Variants in PCDHGA4 observed in about 807,000 individuals in gnomAD.
The protein encoded by PCDHGA4 is protocadherin gamma-A4.
Under a neutral mutation model 54.6 loss-of-function variants are expected in PCDHGA4, and 38 were observed. That is an observed-to-expected ratio of 0.70 (90% CI 0.54 to 0.91). The LOEUF (loss-of-function observed/expected upper bound fraction) is 0.91. Among genes scored for constraint, PCDHGA4 ranks in the 40% least tolerant of loss-of-function variants. The pLI, the probability that PCDHGA4 is intolerant of heterozygous loss-of-function variation, is 0.00. For synonymous variants in PCDHGA4, 511 were observed against 512.9 expected (o/e 1.00, Z 0.05); for missense variants, 1,298 against 1,220.9 (o/e 1.06, Z -0.94).
In PCDHGA4 at chr5:141,511,345, TCC is replaced by T; in HGVS notation, c.*178_*179del. 1 of 1,410,484 alleles carries T rather than the reference TCC, an allele frequency of 7.1e-7. No homozygotes were observed. The highest frequency in any genetic ancestry group is 9.4e-7 in the Non-Finnish European group (1 of 1,060,658). The allele number at this position is 1,410,484 out of a possible 1,614,324, so 87.4% of individuals were successfully genotyped here. On this transcript the variant is annotated 3_prime_UTR_variant, in exon 4 of 4. Coordinates refer to ENST00000571252, the MANE Select transcript of PCDHGA4 (RefSeq NM_018917.4). ...AAGTGCCCAGTCAGCACCTACCCCT[TCC>T]CCCCCAGGGGGTTGAATATGCAAAA... is the stretch of plus-strand genomic sequence containing the variant.
intron 1 of PCDHGA4, among the ~76,000 whole-genome samples, chr5:141,359,008 G>A (rs1212259195): frequency 2.0e-5 from 3 of 152,230 alleles, no homozygotes; most frequent in Non-Finnish European, 4.4e-5. Flanking sequence ...ACACAAATTA[G>A]TGTAATTTGA....
chr5:141,365,668 T>C, intron 1 of PCDHGA4: 1 of 1,613,456 alleles, frequency 6.2e-7, no homozygotes, highest in Non-Finnish European at 8.5e-7. Flanking sequence ...CAGACGTTAA[T>C]GACAACCCAC....
At chr5:141,435,730 T>C (rs913229799) in intron 1 of PCDHGA4, among the ~76,000 whole-genome samples, 1 of 152,226 alleles carries the variant, frequency 6.6e-6, no homozygotes, top group African/African-American at 2.4e-5. Context: ...TAAAGTGTAT[T>C]ACTCTTTGAA....
intron 1 of PCDHGA4, chr5:141,404,458 C>A: frequency 6.2e-7 from 1 of 1,612,914 alleles, no homozygotes; most frequent in East Asian, 2.2e-5. Context: ...CTCCTCTCTC[C>A]ACCTATGTCT....
At chr5:141,363,643 A>G (rs193285139) in intron 1 of PCDHGA4, among the ~76,000 whole-genome samples, 2 of 152,388 alleles carry the variant, frequency 1.3e-5, no homozygotes, top group Non-Finnish European at 2.9e-5. Flanking sequence ...CCTCACAAGT[A>G]ACAAAGATCT....
intron 1 of PCDHGA4, chr5:141,399,946 GC>G: frequency 6.2e-7 from 1 of 1,612,270 alleles, no homozygotes. Context: ...CGTGCTGCAG[GC>G]TAGCGAGCCC....
In PCDHGA4 at chr5:141,357,583, C is replaced by G. The variant is rs756550703; in HGVS notation, c.2476C>G (p.Gln826Glu). ...GAAAAGCGAGCCTCTTCTGATAACT[C>G]AGGATTTACTTGAAACAAAAGGAGA... is the stretch of plus-strand genomic sequence containing the variant. ...CEKSEPLLIT[Q>E]DLLETKGDPN... Residue 826 changes from glutamine to glutamate, a missense_variant, in exon 1 of 4, where the codon CAG becomes GAG. By Grantham distance (29) the Gln-to-Glu change is conservative (BLOSUM62 2). Transcript: ENST00000571252. The G allele has an allele frequency of 1.9e-6, 3 of 1,614,070 alleles. No homozygotes were observed. In the African/African-American group the frequency reaches 4.0e-5, roughly 22 times the overall value.
chr5:141,392,194 T>C (rs1486735796), intron 1 of PCDHGA4: 1 of 152,238 alleles, frequency 6.6e-6, no homozygotes, highest in East Asian at 1.9e-4. Context: ...TCTATTTTAG[T>C]CTCAAGATAA....
chr5:141,400,561 A>G, intron 1 of PCDHGA4: 1 of 1,612,992 alleles, frequency 6.2e-7, no homozygotes, highest in Non-Finnish European at 8.5e-7. Flanking sequence ...TTCATTACCC[A>G]CCCAATTTTC....
rs1562144438 is a variant in PCDHGA4, at chr5:141,491,135, G to A, written c.2515-3672G>A. On this transcript the variant is annotated intron_variant, in intron 1 of 3. Transcript: ENST00000571252. The surrounding 1 kb of genome is among the most constrained non-coding windows in gnomAD (Gnocchi z 6.9). Reference sequence around the variant, plus strand: ...CACACTGGTGAGGTGCGCACAGCCCGGGCCTTACTGGAGGATGACTCTGAC... The same window carrying A: ...CACACTGGTGAGGTGCGCACAGCCCAGGCCTTACTGGAGGATGACTCTGAC... 4 of 1,614,104 alleles carry A rather than the reference G, an allele frequency of 2.5e-6. No homozygotes were observed. The highest frequency in any genetic ancestry group is 1.3e-5 in the African/African-American group (1 of 75,034).
At chr5:141,419,928 T>G in intron 1 of PCDHGA4, 1 of 1,614,084 alleles carries the variant, frequency 6.2e-7, no homozygotes, top group South Asian at 1.1e-5. Flanking sequence ...GAGATGCAGT[T>G]TTACCTGGTG....
intron 1 of PCDHGA4, chr5:141,430,575 A>T (rs1056696427): frequency 2.2e-6 from 1 of 455,822 alleles, no homozygotes; most frequent in Non-Finnish European, 3.7e-6. Flanking sequence ...AAAAGCGGAG[A>T]TCCTGCTCGC....
rs776270639 is a variant in PCDHGA4 at position 141,355,754 on chromosome 5, G to A, written c.647G>A (p.Gly216Glu). Residue 216 changes from glycine (G) to glutamate (E), a missense_variant, in exon 1 of 4, where the codon GGG becomes GAG. Physicochemically the swap from Gly to Glu is moderately conservative, Grantham distance 98. Coordinates refer to ENST00000571252, the MANE Select transcript of PCDHGA4 (RefSeq NM_018917.4). ...NGYFSLDVQSGADGIKYPELV... is the reference protein window; with the variant it reads ...NGYFSLDVQSEADGIKYPELV... ...TACTTTTCCCTGGACGTGCAAAGTG[G>A]GGCCGATGGGATTAAGTACCCAGAG... The A allele has an allele frequency of 6.2e-7, 1 of 1,613,930 alleles. No individual in the cohort carries two copies. The highest frequency in any genetic ancestry group is 1.7e-5 in the Admixed American group (1 of 60,016).
Position 141,456,470 on chromosome 5 carries a change from A to G in PCDHGA4, c.2515-38337A>G, listed in dbSNP as rs573210902. Among the ~76,000 whole-genome samples, 4 of 152,272 alleles carry G rather than the reference A, an allele frequency of 2.6e-5. No homozygotes were observed. In the East Asian group the frequency reaches 7.7e-4, roughly 29 times the overall value. On this transcript the variant is annotated intron_variant, in intron 1 of 3. Coordinates refer to ENST00000571252, the MANE Select transcript of PCDHGA4 (RefSeq NM_018917.4). ...GTCCAAATATCAATACAAGACATAT[A>G]AGCAAGAGAGTGCTTAATAAAGGGG...
intron 1 of PCDHGA4, among the ~76,000 whole-genome samples, chr5:141,488,238 C>G (rs374846692): frequency 6.6e-6 from 1 of 152,154 alleles, no homozygotes; most frequent in African/African-American, 2.4e-5. Context: ...GAACTAGATG[C>G]GGTAAATTGG....
intron 1 of PCDHGA4, among the ~76,000 whole-genome samples, chr5:141,406,639 A>G (rs1301755864): frequency 6.6e-6 from 1 of 152,208 alleles, no homozygotes; most frequent in Non-Finnish European, 1.5e-5. Flanking sequence ...AAAGGTCTTA[A>G]TTTCCTAATG....
intron 1 of PCDHGA4, among the ~76,000 whole-genome samples, chr5:141,483,160 T>C (rs1199191595): frequency 6.6e-6 from 1 of 152,176 alleles, no homozygotes; most frequent in Non-Finnish European, 1.5e-5. Flanking sequence ...AGTTAGATCC[T>C]GAGTTACCTT....
chr5:141,383,578 C>A, intron 1 of PCDHGA4: 1 of 1,613,494 alleles, frequency 6.2e-7, no homozygotes, highest in Non-Finnish European at 8.5e-7. Flanking sequence ...CAGCACCGCC[C>A]ACATCCAGGT....
intron 1 of PCDHGA4, chr5:141,403,145 C>T (rs749236674): frequency 2.5e-6 from 4 of 1,613,920 alleles, no homozygotes; most frequent in African/African-American, 1.3e-5. Flanking sequence ...GCGCCGAGTC[C>T]GCATCGTCTC....
Sources: gnomAD v4.1 joint callset for allele counts (sites outside exome capture counted in the v4.1 genomes callset) on GRCh38, gnomAD v4.1.1 for gene constraint, Gnocchi (gnomAD v3.1) non-coding constraint, MANE v1.5 for transcripts, NCBI Gene and HGNC (gene_info 2026-07-23, HGNC 2026-07-21) for gene names.